Variants in NPEPPS observed in about 807,000 individuals in gnomAD.
NPEPPS encodes the protein aminopeptidase puromycin sensitive.
A neutral mutation model predicts 115.5 loss-of-function variants in NPEPPS; 14 were observed. The ratio of observed to expected loss-of-function variants is 0.12; its 90% CI spans 0.08 to 0.19. The LOEUF (loss-of-function observed/expected upper bound fraction) is 0.19, where lower values mean the gene tolerates loss of function less well. NPEPPS is among the 10% of genes least tolerant of loss of function. NPEPPS has a pLI of 1.00. For synonymous variants in NPEPPS, 285 were observed against 390.6 expected (o/e 0.73, Z 3.19); for missense variants, 523 against 1,110.8 (o/e 0.47, Z 7.52).
At chr17:47,527,351 G>A (rs1024135188), upstream of NPEPPS, among the ~76,000 whole-genome samples, 1 of 150,290 alleles carries the variant, frequency 6.7e-6, no homozygotes, top group African/African-American at 2.4e-5. Context: ...GGGTGTGGTG[G>A]TGGGCACCTG....
chr17:47,565,365 C>T (rs1283070034), intron 2 of NPEPPS, among the ~76,000 whole-genome samples: 2 of 151,850 alleles, frequency 1.3e-5, no homozygotes, highest in Non-Finnish European at 2.9e-5. Flanking sequence ...AAAAATTAGC[C>T]AGGCGTGGTG....
chr17:47,607,930 G>C (rs750152652), intron 17 of NPEPPS, among the ~76,000 whole-genome samples: 2 of 152,038 alleles, frequency 1.3e-5, no homozygotes, highest in African/African-American at 4.8e-5. Flanking sequence ...CTGCAGCCTC[G>C]AATTCCTGGA....
Position 47,619,194 on chromosome 17 carries a change from ATC to A in NPEPPS, c.2559+31_2559+32del, listed in dbSNP as rs1179656958. The stretch of plus-strand genomic sequence containing the variant: ...GTGAAAAACTTTGAGTAGCTTGCTA[ATC>A]ATGGATATTATTTAGTGACATCCAT... On this transcript the variant is annotated intron_variant, in intron 21 of 22. Coordinates refer to ENST00000322157, the MANE Select transcript of NPEPPS (RefSeq NM_006310.4). 1.9e-6 allele frequency: 3 copies of A among 1,572,822 alleles called. No homozygotes were observed. In the East Asian group the frequency reaches 6.8e-5, roughly 36 times the overall value.
intron 17 of NPEPPS, among the ~76,000 whole-genome samples, chr17:47,606,746 A>G (rs1219338071): frequency 3.5e-3 from 2 of 564 alleles, no homozygotes; most frequent in East Asian, 0.2. Context: ...CTGGTCCCAA[A>G]CAAATATTTA....
At chr17:47,592,382 T>C (rs1912561750) in intron 11 of NPEPPS, 103 bp from the exon 12 acceptor site, 1 of 1,076,300 alleles carries the variant, frequency 9.3e-7, no homozygotes. Flanking sequence ...GTGTATCTGA[T>C]ACTTGAGTAT....
intron 1 of NPEPPS, among the ~76,000 whole-genome samples, chr17:47,535,823 T>G (rs1908198418): frequency 6.7e-6 from 1 of 148,442 alleles, no homozygotes; most frequent in African/African-American, 2.5e-5. Flanking sequence ...GGTACAATAA[T>G]TGGGTATTCT....
chr17:47,523,040 G>A lies in NPEPPS; in HGVS notation c.54G>A (p.Trp18Ter), dbSNP rs1377879558. 1 of 1,088,590 alleles carries A rather than the reference G, an allele frequency of 9.2e-7. No individual in the cohort carries two copies. The highest frequency in any genetic ancestry group is 2.0e-5 in the Admixed American group (1 of 50,148). The allele number at this position is 1,088,590 out of a possible 1,614,324, so 67.4% of individuals were successfully genotyped here. Residue 18 changes from tryptophan (W) to a stop codon, truncating the protein, a stop_gained, in exon 1 of 6, where the codon TGG becomes TGA. Transcript: ENST00000525007. LOFTEE classifies it high-confidence loss of function. ...CAAGTTTTTGTGTTCCTGGCCTTTG[G>A]AACCCCTTCATCATATTCCGCAGGT...
chr17:47,617,128 T>G (rs1914257264), intron 19 of NPEPPS, among the ~76,000 whole-genome samples: 1 of 152,156 alleles, frequency 6.6e-6, no homozygotes, highest in African/African-American at 2.4e-5. Context: ...TTACCTATAG[T>G]TTAGAAAGCA....
intron 2 of NPEPPS, among the ~76,000 whole-genome samples, chr17:47,562,528 A>G (rs1268717152): frequency 2.0e-5 from 3 of 151,980 alleles, no homozygotes; most frequent in African/African-American, 7.2e-5. Flanking sequence ...AAAATGTTTC[A>G]TGATTCAACT....
chr17:47,563,521 A>C (rs1271110646), intron 2 of NPEPPS, among the ~76,000 whole-genome samples: 1 of 152,190 alleles, frequency 6.6e-6, no homozygotes, highest in Non-Finnish European at 1.5e-5. Flanking sequence ...ATAATGGACC[A>C]ATTGCAGTTG....
chr17:47,588,425 G>A (rs1427765527), intron 9 of NPEPPS, among the ~76,000 whole-genome samples: 11 of 152,024 alleles, frequency 7.2e-5, no homozygotes, highest in South Asian at 2.1e-4. Flanking sequence ...TTAGCTGGGC[G>A]TGGTGGTGTG....
chr17:47,618,956 T>A, intron 20 of NPEPPS, 53 bp from the exon 21 acceptor site: 1 of 1,549,898 alleles, frequency 6.5e-7, no homozygotes, highest in Admixed American at 1.8e-5. Flanking sequence ...CACTTTCTGG[T>A]ACCAGAATAT....
At chr17:47,587,153 C>T in intron 8 of NPEPPS, 77 bp from the exon 9 acceptor site, 2 of 1,420,304 alleles carry the variant, frequency 1.4e-6, no homozygotes, top group East Asian at 2.6e-5. Flanking sequence ...ATCTGACTTA[C>T]TGTCTGAATC....
chr17:47,595,735 C>T (rs1476639965), intron 12 of NPEPPS, among the ~76,000 whole-genome samples: 1 of 151,940 alleles, frequency 6.6e-6, no homozygotes, highest in Non-Finnish European at 1.5e-5. Context: ...GTAATCCCAG[C>T]ACTTTGGGAG....
At chr17:47,585,117 G>A (rs1912107720) in intron 5 of NPEPPS, among the ~76,000 whole-genome samples, 3 of 152,176 alleles carry the variant, frequency 2.0e-5, no homozygotes, top group Non-Finnish European at 2.9e-5. Context: ...GTGAGCCACC[G>A]CGCCTAGCCC....
intron 20 of NPEPPS, among the ~76,000 whole-genome samples, 157 bp from the exon 21 acceptor site, chr17:47,618,852 A>G (rs1196730966): frequency 6.6e-6 from 1 of 152,198 alleles, no homozygotes; most frequent in East Asian, 1.9e-4. Context: ...TAGCTTAAAC[A>G]TTATCTTCTT....
chr17:47,597,321 A>G (rs8072100), intron 13 of NPEPPS, among the ~76,000 whole-genome samples: 1 of 151,892 alleles, frequency 6.6e-6, no homozygotes, highest in South Asian at 2.1e-4. Flanking sequence ...GAATTACACA[A>G]CATCCTTTAA....
chr17:47,621,719 A>G, intron 22 of NPEPPS, 49 bp from the exon 23 acceptor site: 1 of 1,539,978 alleles, frequency 6.5e-7, no homozygotes, highest in Non-Finnish European at 8.9e-7. Context: ...TGTAATATTA[A>G]CTTCTTATTG....
intron 1 of NPEPPS, among the ~76,000 whole-genome samples, chr17:47,532,837 A>G (rs1907922520): frequency 6.6e-6 from 1 of 152,192 alleles, no homozygotes; most frequent in South Asian, 2.1e-4. Flanking sequence ...GATGCCCGAC[A>G]AACATCCTGC....
Sources: allele counts gnomAD v4.1 joint callset (sites outside exome capture counted in the v4.1 genomes callset), GRCh38; gene constraint gnomAD v4.1.1; transcripts MANE v1.5; gene names NCBI Gene and HGNC (gene_info 2026-07-23, HGNC 2026-07-21).